The following NTN1 variants were observed in gnomAD, a reference collection of about 807,000 sequenced individuals.
NTN1 encodes the protein netrin 1, also known as netrin-1.
A neutral mutation model predicts 54.2 loss-of-function variants in NTN1; 11 were observed. The observed-to-expected ratio is 0.20, with a 90% confidence interval of 0.13 to 0.34. The LOEUF (loss-of-function observed/expected upper bound fraction) is 0.34. Ranked by LOEUF, NTN1 falls within the 10% of genes least tolerant of loss-of-function variation. The pLI, the probability that NTN1 is intolerant of heterozygous loss-of-function variation, is 1.00. For missense variants in NTN1, 740 were observed against 893.1 expected (o/e 0.83, Z 2.18); for synonymous variants, 371 against 382.0 (o/e 0.97, Z 0.33).
chr17:9,183,828 G>C (rs2092425946), intron 5 of NTN1, among the ~76,000 whole-genome samples: 1 of 152,224 alleles, frequency 6.6e-6, no homozygotes, highest in African/African-American at 2.4e-5. Context: ...AAGAAATGTT[G>C]CATAGCTCTG....
rs377650642 is a variant in NTN1, at chr17:9,113,328, C to T, written c.1019-49485C>T. On this transcript the variant is annotated intron_variant, in intron 2 of 6. Coordinates refer to ENST00000173229, the MANE Select transcript of NTN1 (RefSeq NM_004822.3). The stretch of plus-strand genomic sequence containing the variant: ...TGAGCCACCGCACTGGGCCTGTATA[C>T]GGTATTTTTAAAGCAGAAATACATA... 1.1e-4 allele frequency among the ~76,000 whole-genome samples: 16 copies of T among 152,014 alleles called. No homozygotes were observed. The East Asian group carries it at 1.9e-3, about 18-fold the overall frequency.
At chr17:9,116,161 A>T (rs1016341456) in intron 2 of NTN1, among the ~76,000 whole-genome samples, 1 of 152,106 alleles carries the variant, frequency 6.6e-6, no homozygotes, top group Non-Finnish European at 1.5e-5. Flanking sequence ...GGCCAGCTAG[A>T]CCCTTGTCCA....
the NTN1 span, among the ~76,000 whole-genome samples, chr17:9,007,269 T>C: frequency 6.6e-6 from 1 of 151,180 alleles, no homozygotes; most frequent in Non-Finnish European, 1.5e-5. Flanking sequence ...TTTCTCTCTT[T>C]CTTTTCTTTC....
At position 9,094,912 on chromosome 17, in the gene NTN1, G is replaced by T. The variant is rs556060171; in HGVS notation, c.1019-67901G>T. Among the ~76,000 whole-genome samples, 19 of 149,294 alleles carry T rather than the reference G, an allele frequency of 1.3e-4. No homozygotes were observed. The Admixed American group carries it at 1.3e-3, about 10-fold the overall frequency. On this transcript the variant is annotated intron_variant, in intron 2 of 6. Transcript: ENST00000173229. The stretch of plus-strand genomic sequence containing the variant: ...GCTGAGGCAGGAGAATCGCTTGAAT[G>T]CAGGAGGCAGAGGTTGCAGTGAGCT...
At chr17:9,028,867 C>G (rs75928037) in intron 2 of NTN1, among the ~76,000 whole-genome samples, 2 of 152,212 alleles carry the variant, frequency 1.3e-5, no homozygotes, top group East Asian at 3.9e-4. Context: ...AAATGGCTCT[C>G]TAGGGAACTG....
chr17:9,017,004 C>T (rs2091833362), upstream of NTN1, among the ~76,000 whole-genome samples: 1 of 152,192 alleles, frequency 6.6e-6, no homozygotes, highest in Admixed American at 6.5e-5. Context: ...CCCCCATCCT[C>T]AGCAGATGGT....
the NTN1 span, among the ~76,000 whole-genome samples, chr17:9,009,365 C>T: frequency 2.0e-4 from 30 of 152,322 alleles, no homozygotes; most frequent in African/African-American, 7.2e-4. Flanking sequence ...GAAGTGGCTC[C>T]CTGGGCGAGG....
Position 9,239,500 on chromosome 17 carries a change from C to G in NTN1, c.1487-140C>G. On this transcript the variant is annotated intron_variant, in intron 6 of 6. Transcript: ENST00000173229. This position sits in a 1 kb window ranked among gnomAD's most constrained non-coding sequence, Gnocchi z 5.2. ...TGGGGGTCTACGATCAGCTTGCCAC[C>G]ACCCACGCGCTCCTGTATGGGCCAC... is the stretch of plus-strand genomic sequence containing the variant. 1 of 741,146 alleles carries G rather than the reference C, an allele frequency of 1.3e-6. No homozygotes were observed. The highest frequency in any genetic ancestry group is 1.9e-5 in the South Asian group (1 of 53,500). 45.9% of individuals were successfully genotyped at this position (741,146 alleles called of 1,614,324 possible).
intron 5 of NTN1, among the ~76,000 whole-genome samples, chr17:9,186,623 A>G (rs941702705): frequency 6.6e-6 from 1 of 152,086 alleles, no homozygotes; most frequent in African/African-American, 2.4e-5. Flanking sequence ...CATTACCTTG[A>G]TGGTAGTCTG....
At chr17:9,126,450 C>T (rs532163690) in intron 2 of NTN1, among the ~76,000 whole-genome samples, 7 of 144,680 alleles carry the variant, frequency 4.8e-5, no homozygotes, top group Admixed American at 2.1e-4. Flanking sequence ...GCGGAGGTTG[C>T]GGTGAGCCGA....
intron 2 of NTN1, among the ~76,000 whole-genome samples, chr17:9,116,243 C>T (rs71371891): frequency 0.072 from 10,982 of 152,210 alleles, 463 homozygotes; most frequent in Non-Finnish European, 0.092. Flanking sequence ...GGGCAGGCGG[C>T]ATGGTGGGGT....
intron 2 of NTN1, among the ~76,000 whole-genome samples, chr17:9,158,636 C>T (rs147715347): frequency 6.6e-6 from 1 of 152,218 alleles, no homozygotes; most frequent in African/African-American, 2.4e-5. Flanking sequence ...CTGGGCCCCC[C>T]CATTTACTGG....
rs1488766606 is a variant in NTN1, at chr17:9,023,249, C to T, written c.876C>T (p.Ala292=). ...GGRCKCNGHA[A]RCVRDRDDSL... ...GGTGCAAGTGCAACGGCCACGCGGC[C>T]CGCTGCGTGCGCGACCGCGACGACA... The change falls in exon 2 of 7, where the codon GCC becomes GCT. Residue 292 remains alanine (A), a synonymous_variant. Coordinates refer to ENST00000173229, the MANE Select transcript of NTN1 (RefSeq NM_004822.3). 6.4e-7 allele frequency: 1 copy of T among 1,565,558 alleles called. No individual in the cohort carries two copies.
rs115057741 is a variant in NTN1, at chr17:9,211,649, C to T, written c.1412-9519C>T. On this transcript the variant is annotated intron_variant, in intron 5 of 6. Transcript: ENST00000173229. This position sits in a 1 kb window ranked among gnomAD's most constrained non-coding sequence, Gnocchi z 4.4. ...GGGTTTTGACACTCAATGCCAGCCACGCTCGGGAAAGTTCATATTTTAATC... is the reference window on the plus strand; with the variant it reads ...GGGTTTTGACACTCAATGCCAGCCATGCTCGGGAAAGTTCATATTTTAATC... Among the ~76,000 whole-genome samples the T allele has an allele frequency of 5.8e-3, 888 of 152,282 alleles. 10 individuals carry two copies. The highest frequency in any genetic ancestry group is 0.02 in the African/African-American group (813 of 41,544).
chr17:9,143,064 A>T (rs111766396), intron 2 of NTN1, among the ~76,000 whole-genome samples: 7 of 152,214 alleles, frequency 4.6e-5, no homozygotes, highest in African/African-American at 1.7e-4. Flanking sequence ...TAAGACCTGG[A>T]GGTGATGAGG....
At chr17:9,112,589 G>C (rs952970104) in intron 2 of NTN1, among the ~76,000 whole-genome samples, 1 of 142,620 alleles carries the variant, frequency 7.0e-6, no homozygotes, top group Non-Finnish European at 1.5e-5. Flanking sequence ...ACTTTGGGAG[G>C]CCGAGGCAGG....
chr17:9,149,281 C>A (rs183238049), intron 2 of NTN1, among the ~76,000 whole-genome samples: 56 of 149,536 alleles, frequency 3.7e-4, no homozygotes, highest in Non-Finnish European at 1.0e-4. Context: ...ACACACCCTG[C>A]TGCCACCCCC....
At chr17:9,170,211 G>A (rs975314215) in intron 3 of NTN1, among the ~76,000 whole-genome samples, 4 of 152,212 alleles carry the variant, frequency 2.6e-5, no homozygotes, top group African/African-American at 9.7e-5. Context: ...CAAATGGGAA[G>A]AATAGTCCCT....
At chr17:9,224,503 G>A (rs1278376455) in intron 6 of NTN1, among the ~76,000 whole-genome samples, 2 of 152,190 alleles carry the variant, frequency 1.3e-5, no homozygotes, top group East Asian at 1.9e-4. Context: ...CAGGGACAGC[G>A]GGCTTCAGGT....
Sources: gnomAD v4.1 joint callset for allele counts (sites outside exome capture counted in the v4.1 genomes callset) on GRCh38, gnomAD v4.1.1 for gene constraint, Gnocchi (gnomAD v3.1) non-coding constraint, MANE v1.5 for transcripts, NCBI Gene and HGNC (gene_info 2026-07-23, HGNC 2026-07-21) for gene names.